HERC1: variants seen among roughly 807,000 people sequenced by gnomAD.
HERC1 encodes probable E3 ubiquitin-protein ligase HERC1.
In HERC1, 160 loss-of-function variants were observed where a neutral mutation model predicts 554.3. The ratio of observed to expected loss-of-function variants is 0.29; its 90% CI spans 0.25 to 0.33. The LOEUF is 0.33. Ranked by LOEUF, HERC1 falls within the 10% of genes least tolerant of loss-of-function variation. The pLI, the probability that HERC1 is intolerant of heterozygous loss-of-function variation, is 1.00. For missense variants in HERC1, 4,919 were observed against 5,918.5 expected, an observed-to-expected ratio of 0.83 and a Z score of 5.54; for synonymous variants, 2,175 against 2,131.7, an observed-to-expected ratio of 1.02 and a Z score of -0.56.
At chr15:63,730,369 G>A (rs970448499) in intron 14 of HERC1, among the ~76,000 whole-genome samples, 2 of 151,796 alleles carry the variant, frequency 1.3e-5, no homozygotes, top group African/African-American at 4.8e-5. Flanking sequence ...TGAGGTGGGA[G>A]GACCACTTGA....
chr15:63,799,517 A>G (rs900760026), intron 1 of HERC1, among the ~76,000 whole-genome samples: 1 of 151,740 alleles, frequency 6.6e-6, no homozygotes, highest in Non-Finnish European at 1.5e-5. Flanking sequence ...AAAAAAATAG[A>G]AAAAGAAAAA....
At chr15:63,638,898 ATAAAT>A (rs2068905843) in intron 61 of HERC1, 122 bp from the exon 62 acceptor site, 2 of 723,762 alleles carry the variant, frequency 2.8e-6, no homozygotes, top group South Asian at 3.4e-5. Context: ...TAATATTATG[ATAAAT>A]TAAGAGCAGT....
intron 2 of HERC1, among the ~76,000 whole-genome samples, chr15:63,765,974 C>T (rs977398286): frequency 6.6e-6 from 1 of 152,082 alleles, no homozygotes; most frequent in African/African-American, 2.4e-5. Context: ...TTGGTTTACA[C>T]TCATCTCCCA....
chr15:63,693,993 C>T lies in HERC1; in HGVS notation c.5645G>A (p.Ser1882Asn). The change falls in exon 30 of 78, where the codon AGT (serine) becomes AAT (asparagine). Residue 1882 changes from serine (S) to asparagine (N), a missense_variant. By Grantham distance (46) the Ser-to-Asn change is conservative. Transcript: ENST00000443617. ...GEEEEKKVDS[S>N]GETEKKDFRA... The stretch of plus-strand genomic sequence containing the variant: ...GAAATCTTTCTTCTCAGTTTCTCCA[C>T]TGGAGTCAACTTTTTTTTCTTCTTC... The T allele has an allele frequency of 6.4e-7, 1 of 1,556,448 alleles. No individual in the cohort carries two copies. Among genetic ancestry groups the T allele is most frequent in the Non-Finnish European group, 8.7e-7 (1 of 1,149,196 alleles).
At chr15:63,747,695 C>T in intron 11 of HERC1, 29 bp downstream of exon 11, 1 of 1,416,448 alleles carries the variant, frequency 7.1e-7, no homozygotes, top group South Asian at 1.2e-5. Context: ...CACACACACA[C>T]AAAGATACAA....
At chr15:63,669,430 A>T in intron 40 of HERC1, 108 bp downstream of exon 40, 2 of 1,055,264 alleles carry the variant, frequency 1.9e-6, no homozygotes, top group Non-Finnish European at 1.4e-6. Context: ...CCTTCATTAA[A>T]ATCACTGTTT....
rs897274935 is a variant in HERC1, at chr15:63,634,944, T to C, written c.12415-56A>G. The stretch of plus-strand genomic sequence containing the variant: ...TTAAGAAGGGAAACTAAGAAAAAAG[T>C]AAATCTGCCATTTTTGGTATTAATA... On this transcript the variant is annotated intron_variant, in intron 65 of 77. Coordinates refer to ENST00000443617, the MANE Select transcript of HERC1 (RefSeq NM_003922.4). 4.4e-6 allele frequency: 6 copies of C among 1,350,780 alleles called. 1 individual carries two copies. The highest frequency in any genetic ancestry group is 2.4e-5 in the East Asian group (1 of 41,996). The allele number at this position is 1,350,780 out of a possible 1,614,324, so 83.7% of individuals were successfully genotyped here.
In HERC1 at chr15:63,694,553, A is replaced by G. The variant is rs769088759; in HGVS notation, c.5243-4T>C. 1 of 1,609,848 alleles carries G rather than the reference A, an allele frequency of 6.2e-7. No homozygotes were observed. The highest frequency in any genetic ancestry group is 2.2e-5 in the East Asian group (1 of 44,868). On this transcript the variant is annotated splice_polypyrimidine_tract_variant and splice_region_variant and intron_variant, in intron 28 of 77. Transcript: ENST00000443617. The surrounding 1 kb of genome is among the most constrained non-coding windows in gnomAD (Gnocchi z 4.3). ...AGAAGCAGACGTTGCTGGGCTTCTAAAAGACAAAGAGACAGTTAAGAATCT... is the reference window on the plus strand; with the variant it reads ...AGAAGCAGACGTTGCTGGGCTTCTAGAAGACAAAGAGACAGTTAAGAATCT...
At chr15:63,710,635 A>G (rs1362890987) in intron 24 of HERC1, among the ~76,000 whole-genome samples, 2 of 152,208 alleles carry the variant, frequency 1.3e-5, no homozygotes, top group Non-Finnish European at 2.9e-5. Context: ...CCCAGAAAAA[A>G]CAAAGCAAGG....
intron 69 of HERC1, among the ~76,000 whole-genome samples, chr15:63,629,443 G>T (rs770328424): frequency 1.9e-4 from 29 of 152,144 alleles, no homozygotes; most frequent in Non-Finnish European, 1.5e-5. Flanking sequence ...GATCTATGGA[G>T]CTTTTACTTA....
Position 63,670,916 on chromosome 15 carries a change from G to A in HERC1, c.8046-1218C>T, listed in dbSNP as rs1488833279. The stretch of plus-strand genomic sequence containing the variant: ...TACAAAAAAATTTCAAAAAATTAGC[G>A]AGGGGCCAGGTGCGGTGGCTCACAT... On this transcript the variant is annotated intron_variant, in intron 39 of 77. Transcript: ENST00000443617. 4.6e-5 allele frequency among the ~76,000 whole-genome samples: 7 copies of A among 151,978 alleles called. No homozygotes were observed. In the South Asian group the frequency reaches 6.2e-4, roughly 14 times the overall value.
Position 63,718,450 on chromosome 15 carries a change from A to C in HERC1, c.3978+124T>G. On this transcript the variant is annotated intron_variant, in intron 21 of 77. Transcript: ENST00000443617. This position sits in a 1 kb window ranked among gnomAD's most constrained non-coding sequence, Gnocchi z 4.2. ...TTTTTTTTTTTCTGCTAGGAAAAGAACTACTCAACATGTATTGAACATATG... is the reference window on the plus strand; with the variant it reads ...TTTTTTTTTTTCTGCTAGGAAAAGACCTACTCAACATGTATTGAACATATG... 2.6e-6 allele frequency: 2 copies of C among 776,956 alleles called. No individual in the cohort carries two copies. The highest frequency in any genetic ancestry group is 3.8e-6 in the Non-Finnish European group (2 of 531,400). The allele number at this position is 776,956 out of a possible 1,614,324, so 48.1% of individuals were successfully genotyped here. A position where few individuals can be genotyped will look rare whatever the true frequency, so the allele number is the denominator to read the frequency against.
chr15:63,644,049 C>A (rs1329905002), intron 57 of HERC1, among the ~76,000 whole-genome samples: 3 of 152,206 alleles, frequency 2.0e-5, no homozygotes, highest in African/African-American at 7.2e-5. Flanking sequence ...GGGCTGCCCT[C>A]CAGCACAAAG....
chr15:63,832,034 G>A (rs771070104), intron 1 of HERC1, among the ~76,000 whole-genome samples: 8 of 152,090 alleles, frequency 5.3e-5, no homozygotes, highest in Admixed American at 1.3e-4. Context: ...GGCCTTAATA[G>A]GCCATTTAAT....
Position 63,609,399 on chromosome 15 carries a change from G to C in HERC1, c.14401-133C>G, listed in dbSNP as rs1399118494. On this transcript the variant is annotated intron_variant, in intron 77 of 77. Transcript: ENST00000443617. ...CATGGTTAAGTCAAGTGGACACAGA[G>C]ACTGGGCCAGATAGAATGAGCTGAG... The C allele has an allele frequency of 7.7e-6, 6 of 778,274 alleles. No homozygotes were observed. The East Asian group carries it at 1.7e-4, about 22-fold the overall frequency. The allele number at this position is 778,274 out of a possible 1,614,324, so 48.2% of individuals were successfully genotyped here.
intron 40 of HERC1, among the ~76,000 whole-genome samples, chr15:63,667,341 G>A (rs1191883205): frequency 1.3e-5 from 2 of 152,092 alleles, no homozygotes; most frequent in African/African-American, 2.4e-5. Flanking sequence ...CTAATAATGA[G>A]AATCAACTAT....
chr15:63,650,044 C>T lies in HERC1; in HGVS notation c.10547-119G>A, dbSNP rs1370974400. The T allele has an allele frequency of 1.1e-5, 7 of 661,268 alleles. No individual in the cohort carries two copies. The East Asian group carries it at 1.9e-4, about 18-fold the overall frequency. 41.0% of individuals were successfully genotyped at this position (661,268 alleles called of 1,614,324 possible). On this transcript the variant is annotated intron_variant, in intron 53 of 77. Coordinates refer to ENST00000443617, the MANE Select transcript of HERC1 (RefSeq NM_003922.4). The stretch of plus-strand genomic sequence containing the variant: ...AAAGCAGTTCCAAATTTCATAATAG[C>T]CTACTAATGAATAAGACCATGAAGG...
chr15:63,657,806 T>C (rs2070131462), intron 48 of HERC1, among the ~76,000 whole-genome samples: 1 of 152,202 alleles, frequency 6.6e-6, no homozygotes, highest in African/African-American at 2.4e-5. Flanking sequence ...ATTTGCTTTA[T>C]ATAGTTTGAG....
intron 25 of HERC1, among the ~76,000 whole-genome samples, chr15:63,704,109 G>GA (rs58989752): frequency 4.6e-5 from 7 of 150,972 alleles, no homozygotes; most frequent in Admixed American, 1.3e-4. Context: ...GACAAAAAAG[G>GA]AAAAAAAATA....
Sources: gnomAD v4.1 joint callset for allele counts (sites outside exome capture counted in the v4.1 genomes callset) on GRCh38, gnomAD v4.1.1 for gene constraint, Gnocchi (gnomAD v3.1) non-coding constraint, MANE v1.5 for transcripts, NCBI Gene and HGNC (gene_info 2026-07-23, HGNC 2026-07-21) for gene names.